The following PCLO variants were observed in gnomAD, a reference collection of about 807,000 sequenced individuals.
PCLO encodes the protein protein piccolo.
PCLO carries 82 observed loss-of-function variants against 427.5 expected under a neutral mutation model. That is an observed-to-expected ratio of 0.19 (90% confidence interval 0.16 to 0.23). PCLO has a LOEUF of 0.23. Among genes scored for constraint, PCLO ranks in the 10% least tolerant of loss-of-function variants. The pLI is 1.00. For synonymous variants in PCLO, 2,357 were observed against 2,155.4 expected (o/e 1.09, Z -2.59); for missense variants, 6,239 against 6,115.9 (o/e 1.02, Z -0.67).
Position 83,001,371 on chromosome 7 carries a change from T to C in PCLO, c.3301-34884A>G, listed in dbSNP as rs6972677. ...TGTATGTTAGAGTGAAAAAATAATT[T>C]CTTGCATAAACAGAAAAATCTTCAT... On this transcript the variant is annotated intron_variant, in intron 3 of 24. Transcript: ENST00000333891. Among the ~76,000 whole-genome samples, 1,372 of 151,926 alleles carry C rather than the reference T, an allele frequency of 9.0e-3. 30 individuals carry two copies. The highest frequency in any genetic ancestry group is 0.03 in the African/African-American group (1,240 of 41,430).
chr7:83,027,466 A>G (rs1414329090), intron 3 of PCLO, among the ~76,000 whole-genome samples: 1 of 151,992 alleles, frequency 6.6e-6, no homozygotes, highest in African/African-American at 2.4e-5. Flanking sequence ...AATAATCAAT[A>G]GCTTACCAAC....
In PCLO at chr7:82,916,908, A is replaced by G. The variant is rs772707556; in HGVS notation, c.11113-35T>C. The stretch of plus-strand genomic sequence containing the variant: ...AGTAAACAAAATATAGTACTTTAGT[A>G]TAAAGAAAAATAAAAACCAAATCTA... On this transcript the variant is annotated intron_variant, in intron 6 of 24. Transcript: ENST00000333891. 3 of 1,393,090 alleles carry G rather than the reference A, an allele frequency of 2.2e-6. No individual in the cohort carries two copies. The African/African-American group carries it at 4.3e-5, about 20-fold the overall frequency. 86.3% of individuals were successfully genotyped at this position (1,393,090 alleles called of 1,614,324 possible).
At chr7:82,977,173 A>G (rs1294300989) in intron 3 of PCLO, among the ~76,000 whole-genome samples, 1 of 152,096 alleles carries the variant, frequency 6.6e-6, no homozygotes, top group Non-Finnish European at 1.5e-5. Context: ...CCTGTTTTCA[A>G]TAACATCCTA....
At chr7:83,086,593 A>G (rs1360393362) in intron 3 of PCLO, among the ~76,000 whole-genome samples, 1 of 152,210 alleles carries the variant, frequency 6.6e-6, no homozygotes, top group African/African-American at 2.4e-5. Flanking sequence ...GAGAACGATT[A>G]TCATGAGTAC....
intron 1 of PCLO, among the ~76,000 whole-genome samples, chr7:83,157,752 TA>T (rs1266054905): frequency 6.6e-6 from 1 of 151,922 alleles, no homozygotes; most frequent in Admixed American, 6.5e-5. Flanking sequence ...AATCATATTA[TA>T]AGTATTTTAT....
At chr7:83,024,896 G>C (rs186202014) in intron 3 of PCLO, among the ~76,000 whole-genome samples, 2 of 152,090 alleles carry the variant, frequency 1.3e-5, no homozygotes, top group Non-Finnish European at 2.9e-5. Flanking sequence ...TGAGGGTCCT[G>C]TCTGTTAGAA....
rs1382648016 is a variant in PCLO, at chr7:83,135,508, T to A, written c.2042A>T (p.Gln681Leu). 1.2e-6 allele frequency: 2 copies of A among 1,613,794 alleles called. No homozygotes were observed. The highest frequency in any genetic ancestry group is 3.3e-5 in the Admixed American group (2 of 59,994). Residue 681 changes from glutamine (Q) to leucine (L), a missense_variant, in exon 3 of 25, where the codon CAG (glutamine) becomes CTG (leucine). By Grantham distance (113) the Gln-to-Leu change is moderately radical. This residue lies in a region of PCLO where 4,677 missense variants were observed against 4,468.4 expected (regional missense o/e 1.05). Transcript: ENST00000333891. Reference sequence around the variant, plus strand: ...TGCAGCATCCTTCTTTGGGGAAGTCTGCTGTGGCTGTGGGGATGATTTGCT... The same window carrying A: ...TGCAGCATCCTTCTTTGGGGAAGTCAGCTGTGGCTGTGGGGATGATTTGCT... ...AVSKSSPQPQQTSPKKDAAPK... is the reference protein window; with the variant it reads ...AVSKSSPQPQLTSPKKDAAPK...
At chr7:82,803,163 T>C (rs1465884234) in intron 21 of PCLO, among the ~76,000 whole-genome samples, 1 of 152,072 alleles carries the variant, frequency 6.6e-6, no homozygotes, top group Non-Finnish European at 1.5e-5. Flanking sequence ...AACTCTGCTC[T>C]ATCTGTTAGC....
intron 2 of PCLO, among the ~76,000 whole-genome samples, chr7:83,145,746 A>G (rs1791978439): frequency 6.6e-6 from 1 of 152,194 alleles, no homozygotes; most frequent in Non-Finnish European, 1.5e-5. Context: ...CCTTCCACTT[A>G]TACTGCCAAA....
At chr7:83,126,029 T>C (rs1002688783) in intron 3 of PCLO, among the ~76,000 whole-genome samples, 1 of 152,176 alleles carries the variant, frequency 6.6e-6, no homozygotes, top group Non-Finnish European at 1.5e-5. Context: ...ATATATAGCA[T>C]GGAATATTAT....
At chr7:83,104,214 T>C (rs575698525) in intron 3 of PCLO, among the ~76,000 whole-genome samples, 2 of 152,146 alleles carry the variant, frequency 1.3e-5, no homozygotes, top group East Asian at 3.9e-4. Context: ...TAAATTTGTA[T>C]ATGCACCATA....
intron 6 of PCLO, among the ~76,000 whole-genome samples, chr7:82,942,105 G>C (rs773407263): frequency 4.6e-5 from 7 of 152,172 alleles, no homozygotes; most frequent in Non-Finnish European, 1.0e-4. Flanking sequence ...CTTGAACCTG[G>C]GAGGCAGAGG....
At chr7:82,805,581 A>G in intron 21 of PCLO, 107 bp downstream of exon 21, 2 of 1,028,116 alleles carry the variant, frequency 1.9e-6, no homozygotes, top group South Asian at 3.2e-5. Flanking sequence ...TCTCAGGGAC[A>G]ATGACTCAGA....
intron 3 of PCLO, among the ~76,000 whole-genome samples, chr7:83,030,853 T>C (rs2116142063): frequency 6.6e-6 from 1 of 152,304 alleles, no homozygotes; most frequent in African/African-American, 2.4e-5. Flanking sequence ...AGACTGAGAA[T>C]TGGGAGTAAA....
intron 3 of PCLO, among the ~76,000 whole-genome samples, chr7:83,098,398 G>C (rs562636753): frequency 6.6e-6 from 1 of 152,182 alleles, no homozygotes; most frequent in South Asian, 2.1e-4. Context: ...TTAATCATCT[G>C]CTACACATAA....
intron 3 of PCLO, among the ~76,000 whole-genome samples, chr7:82,992,319 T>C (rs1476335602): frequency 6.6e-6 from 1 of 152,024 alleles, no homozygotes; most frequent in Non-Finnish European, 1.5e-5. Context: ...AGAAGACAAA[T>C]GAGTACCCTC....
intron 3 of PCLO, among the ~76,000 whole-genome samples, chr7:83,000,375 T>C (rs1787791886): frequency 6.6e-6 from 1 of 151,428 alleles, no homozygotes; most frequent in African/African-American, 2.4e-5. Flanking sequence ...AATAAAGAAC[T>C]TATCAAGTAA....
chr7:82,782,353 C>A (rs532320500), intron 22 of PCLO, among the ~76,000 whole-genome samples: 9 of 152,264 alleles, frequency 5.9e-5, no homozygotes, highest in Non-Finnish European at 1.2e-4. Flanking sequence ...AAATAACATT[C>A]CCTTCCTTTT....
At chr7:83,070,326 C>T (rs780415258) in intron 3 of PCLO, among the ~76,000 whole-genome samples, 4 of 152,026 alleles carry the variant, frequency 2.6e-5, no homozygotes. Flanking sequence ...AACCTTCTTC[C>T]GACATTCTTG....
Sources: allele counts gnomAD v4.1 joint callset (sites outside exome capture counted in the v4.1 genomes callset), GRCh38; gene constraint gnomAD v4.1.1; regional missense constraint gnomAD v4.1.1; transcripts MANE v1.5; gene names NCBI Gene and HGNC (gene_info 2026-07-23, HGNC 2026-07-21).